HTR1F: variants seen among roughly 807,000 people sequenced by gnomAD.
HTR1F encodes 5-hydroxytryptamine (serotonin) receptor 1F, G protein-coupled.
A neutral mutation model predicts 24.0 loss-of-function variants in HTR1F; 17 were observed. That is an observed-to-expected ratio of 0.71 (90% CI 0.48 to 1.06). The LOEUF (loss-of-function observed/expected upper bound fraction) is 1.06. HTR1F is among the 50% of genes least tolerant of loss of function. The pLI is 0.00. For synonymous variants in HTR1F, 186 were observed against 156.8 expected (o/e 1.19, Z -1.39); for missense variants, 391 against 427.8 (o/e 0.91, Z 0.76).
At chr3:87,949,007 CA>C (rs1704775100) in intron 2 of HTR1F, among the ~76,000 whole-genome samples, 1 of 152,050 alleles carries the variant, frequency 6.6e-6, no homozygotes, top group Admixed American at 6.6e-5. Context: ...TGTTGTAAAC[CA>C]AATTGTGTAT....
chr3:87,793,378 G>C (rs1365623287), intron 1 of HTR1F: 1 of 152,186 alleles, frequency 6.6e-6, no homozygotes, highest in Non-Finnish European at 1.5e-5. Context: ...ATCGGAAATC[G>C]CTTGCAGTTT....
intron 2 of HTR1F, among the ~76,000 whole-genome samples, chr3:87,942,165 C>T (rs565984646): frequency 6.6e-6 from 1 of 152,096 alleles, no homozygotes; most frequent in African/African-American, 2.4e-5. Flanking sequence ...TGTATTATGG[C>T]CCCTGCTTTT....
chr3:87,954,103 G>C (rs1704893292), intron 2 of HTR1F, among the ~76,000 whole-genome samples: 1 of 151,674 alleles, frequency 6.6e-6, no homozygotes, highest in African/African-American at 2.4e-5. Flanking sequence ...TGAATAGTCA[G>C]CTAAAAGGAG....
chr3:87,865,327 A>G (rs1705403715), intron 2 of HTR1F, among the ~76,000 whole-genome samples: 1 of 152,164 alleles, frequency 6.6e-6, no homozygotes, highest in Non-Finnish European at 1.5e-5. Context: ...AATTTAAAAT[A>G]TATTATTAAA....
intron 2 of HTR1F, among the ~76,000 whole-genome samples, chr3:87,956,363 A>G (rs1011739382): frequency 1.3e-5 from 2 of 151,410 alleles, no homozygotes; most frequent in African/African-American, 4.8e-5. Context: ...TCTTTAAAGT[A>G]TTGCTATGAC....
At chr3:87,817,366 A>C (rs1183928426) in intron 1 of HTR1F, among the ~76,000 whole-genome samples, 2 of 152,204 alleles carry the variant, frequency 1.3e-5, no homozygotes, top group Non-Finnish European at 2.9e-5. Context: ...ATTATACAAA[A>C]ACAGTCAATA....
intron 2 of HTR1F, among the ~76,000 whole-genome samples, chr3:87,891,628 C>A (rs951556367): frequency 2.6e-5 from 4 of 152,134 alleles, no homozygotes; most frequent in African/African-American, 9.7e-5. Flanking sequence ...TGCTTATTAT[C>A]CAGTTGTCTT....
At chr3:87,960,715 T>C (rs943611696) in intron 2 of HTR1F, among the ~76,000 whole-genome samples, 3 of 151,988 alleles carry the variant, frequency 2.0e-5, no homozygotes, top group African/African-American at 7.2e-5. Flanking sequence ...TAGTTCCAAA[T>C]TTCTCCTACC....
At chr3:87,799,897 A>G (rs1327055752) in intron 1 of HTR1F, among the ~76,000 whole-genome samples, 1 of 152,072 alleles carries the variant, frequency 6.6e-6, no homozygotes, top group Non-Finnish European at 1.5e-5. Flanking sequence ...TCTCCCCTAA[A>G]TGTTTAAGAC....
chr3:87,895,596 A>G (rs1245327885), intron 2 of HTR1F, among the ~76,000 whole-genome samples: 1 of 152,188 alleles, frequency 6.6e-6, no homozygotes, highest in Non-Finnish European at 1.5e-5. Context: ...TTCGGATTTT[A>G]CCAGATTAAT....
chr3:87,971,268 T>G (rs1260291886), intron 2 of HTR1F, among the ~76,000 whole-genome samples: 1 of 152,230 alleles, frequency 6.6e-6, no homozygotes, highest in East Asian at 1.9e-4. Context: ...TCTTTTATTT[T>G]TTTTAATAGG....
intron 2 of HTR1F, among the ~76,000 whole-genome samples, chr3:87,875,948 G>C (rs1342216213): frequency 6.8e-6 from 1 of 146,868 alleles, no homozygotes; most frequent in East Asian, 2.0e-4. Flanking sequence ...AAAAGGGCAA[G>C]ACTCAAATAG....
chr3:87,942,424 C>T (rs371591240), intron 2 of HTR1F, among the ~76,000 whole-genome samples: 1 of 152,054 alleles, frequency 6.6e-6, no homozygotes, highest in East Asian at 1.9e-4. Flanking sequence ...TCAAGCATAC[C>T]CGGGGCTCTG....
chr3:87,901,072 T>A (rs953578155), intron 2 of HTR1F, among the ~76,000 whole-genome samples: 1 of 152,164 alleles, frequency 6.6e-6, no homozygotes, highest in Non-Finnish European at 1.5e-5. Flanking sequence ...AGTATCAAGT[T>A]TGACTTCGCA....
chr3:87,883,779 A>G (rs1360969764), intron 2 of HTR1F, among the ~76,000 whole-genome samples: 1 of 152,194 alleles, frequency 6.6e-6, no homozygotes, highest in Non-Finnish European at 1.5e-5. Flanking sequence ...TAAAGCAAGA[A>G]GACAAGTTTA....
chr3:87,911,592 T>A (rs1485923834), intron 2 of HTR1F, among the ~76,000 whole-genome samples: 2 of 151,982 alleles, frequency 1.3e-5, no homozygotes, highest in African/African-American at 4.8e-5. Flanking sequence ...GCCAGCATTA[T>A]CCTAATACCA....
intron 2 of HTR1F, among the ~76,000 whole-genome samples, chr3:87,931,760 T>A: frequency 6.6e-6 from 1 of 151,296 alleles, no homozygotes; most frequent in Non-Finnish European, 1.5e-5. Context: ...TGAGATGGTA[T>A]CTCATAGTGG....
At chr3:87,974,896 G>A (rs72917746) in intron 2 of HTR1F, among the ~76,000 whole-genome samples, 1 of 152,218 alleles carries the variant, frequency 6.6e-6, no homozygotes, top group African/African-American at 2.4e-5. Context: ...TAGCATTTAT[G>A]TTCTCCAGTA....
intron 2 of HTR1F, among the ~76,000 whole-genome samples, chr3:87,970,494 G>A (rs1705262769): frequency 6.6e-6 from 1 of 152,162 alleles, no homozygotes; most frequent in South Asian, 2.1e-4. Context: ...ATGTTTCCCT[G>A]AGCGAGGGCC....
Sources: gnomAD v4.1 joint callset for allele counts (sites outside exome capture counted in the v4.1 genomes callset) on GRCh38, gnomAD v4.1.1 for gene constraint, MANE v1.5 for transcripts, NCBI Gene and HGNC (gene_info 2026-07-23, HGNC 2026-07-21) for gene names.